RTKN2: variants seen among roughly 807,000 people sequenced by gnomAD.
The protein encoded by RTKN2 is rhotekin 2.
In RTKN2, 69 loss-of-function variants were observed where a neutral mutation model predicts 71.5. The observed-to-expected ratio is 0.96, with a 90% confidence interval of 0.79 to 1.18. The LOEUF (loss-of-function observed/expected upper bound fraction) is 1.18. Among genes scored for constraint, RTKN2 ranks in the 50% most tolerant of loss-of-function variants. The pLI is 0.00. For synonymous variants in RTKN2, 236 were observed against 236.5 expected (o/e 1.00, Z 0.02); for missense variants, 724 against 719.7 (o/e 1.01, Z -0.07).
In RTKN2 at chr10:62,199,957, T is replaced by TA. The variant is rs953591908; in HGVS notation, c.1187-97dup. ...GATAGCAATACATTTTTGCTTTGAA[T>TA]AAAAATCAGTGAATTTATACATAAA... is the stretch of plus-strand genomic sequence containing the variant. On this transcript the variant is annotated intron_variant, in intron 10 of 11. Coordinates refer to ENST00000373789, the MANE Select transcript of RTKN2 (RefSeq NM_145307.4). The TA allele has an allele frequency of 4.8e-5, 36 of 755,578 alleles. No individual in the cohort carries two copies. In the Middle Eastern group the frequency reaches 8.2e-4, roughly 17 times the overall value. The allele number at this position is 755,578 out of a possible 1,614,324, so 46.8% of individuals were successfully genotyped here.
intron 6 of RTKN2, among the ~76,000 whole-genome samples, chr10:62,224,503 CT>C (rs1841977709): frequency 6.6e-6 from 1 of 151,862 alleles, no homozygotes; most frequent in Non-Finnish European, 1.5e-5. Flanking sequence ...TTACTGAACA[CT>C]TAAAATGTGC....
At position 62,197,176 on chromosome 10, in the gene RTKN2, A is replaced by G. The variant is rs1424319436; in HGVS notation, c.*732T>C. The G allele has an allele frequency of 1.0e-5, 10 of 985,488 alleles. No homozygotes were observed. The highest frequency in any genetic ancestry group is 1.2e-5 in the Non-Finnish European group (10 of 829,842). The allele number at this position is 985,488 out of a possible 1,614,324, so 61.0% of individuals were successfully genotyped here. A position where few individuals can be genotyped will look rare whatever the true frequency, so the allele number is the denominator to read the frequency against. On this transcript the variant is annotated 3_prime_UTR_variant, in exon 12 of 12. Coordinates refer to ENST00000373789, the MANE Select transcript of RTKN2 (RefSeq NM_145307.4). ...CAAAGTCACAATGGAAATTAGCACC[A>G]CACACAGAAAATTGAATGTAAAGAG... is the stretch of plus-strand genomic sequence containing the variant.
rs994513424 is a variant in RTKN2, at chr10:62,196,704, G to T, written c.*1204C>A. ...ACATTTAGGGTTCAGTGTGATTTGA[G>T]ATTTTTAGTGCTGTTGCTGACACCT... On this transcript the variant is annotated 3_prime_UTR_variant, in exon 12 of 12. Coordinates refer to ENST00000373789, the MANE Select transcript of RTKN2 (RefSeq NM_145307.4). The T allele has an allele frequency of 1.0e-6, 1 of 984,986 alleles. No individual in the cohort carries two copies. Among genetic ancestry groups the T allele is most frequent in the Non-Finnish European group, 1.2e-6 (1 of 829,548 alleles). The allele number at this position is 984,986 out of a possible 1,614,324, so 61.0% of individuals were successfully genotyped here.
intron 6 of RTKN2, among the ~76,000 whole-genome samples, chr10:62,229,192 T>C (rs903970859): frequency 1.4e-4 from 22 of 152,166 alleles, no homozygotes; most frequent in Non-Finnish European, 5.9e-5. Context: ...TAGGAAAGGA[T>C]AAAACAGTAA....
At chr10:62,218,139 A>G in intron 8 of RTKN2, 56 bp downstream of exon 8, 1 of 1,078,240 alleles carries the variant, frequency 9.3e-7, no homozygotes, top group Admixed American at 2.0e-5. Flanking sequence ...AACTGCCTGT[A>G]TATTAAGATT....
In RTKN2 at chr10:62,195,565, AGGAAGGAG is replaced by A. The variant is rs971417559; in HGVS notation, c.*2335_*2342del. The stretch of plus-strand genomic sequence containing the variant: ...GAGAAAGAAACAAAGACAAAAAGGA[AGGAAGGAG>A]GGAAGGAGGGAAGGAGAGACGGACA... On this transcript the variant is annotated 3_prime_UTR_variant, in exon 12 of 12. Transcript: ENST00000373789. 4.3e-4 allele frequency: 284 copies of A among 668,022 alleles called. No individual in the cohort carries two copies. Among genetic ancestry groups the A allele is most frequent in the Admixed American group, 2.1e-3 (32 of 15,580 alleles). The allele number at this position is 668,022 out of a possible 1,614,324, so 41.4% of individuals were successfully genotyped here.
chr10:62,218,163 C>A (rs755155012), intron 8 of RTKN2, 32 bp downstream of exon 8: 1 of 1,334,076 alleles, frequency 7.5e-7, no homozygotes, highest in East Asian at 2.3e-5. Context: ...AGTAGAGCTA[C>A]AATTGTTGTA....
intron 10 of RTKN2, among the ~76,000 whole-genome samples, chr10:62,201,620 G>C (rs1841444265): frequency 6.6e-6 from 1 of 151,956 alleles, no homozygotes; most frequent in African/African-American, 2.4e-5. Flanking sequence ...ACTTCAAACT[G>C]GCACACTTTT....
intron 6 of RTKN2, among the ~76,000 whole-genome samples, chr10:62,233,616 A>G (rs1035828608): frequency 6.6e-6 from 1 of 152,132 alleles, no homozygotes; most frequent in Admixed American, 6.6e-5. Context: ...ATGCCTGATA[A>G]TTATATTGTA....
intron 8 of RTKN2, among the ~76,000 whole-genome samples, chr10:62,187,479 T>C (rs907321095): frequency 6.6e-6 from 1 of 152,126 alleles, no homozygotes; most frequent in Admixed American, 6.5e-5. Context: ...TCCTTTTGTG[T>C]ACTGAAGAGA....
At position 62,255,971 on chromosome 10, in the gene RTKN2, C is replaced by T. The variant is rs140706822; in HGVS notation, c.257+6654G>A. On this transcript the variant is annotated intron_variant, in intron 2 of 11. Transcript: ENST00000373789. Reference sequence around the variant, plus strand: ...ATGATACTTCAGGGAAACAACCAGGCAAATGCAGAATGCAGGATACTTTAA... The same window carrying T: ...ATGATACTTCAGGGAAACAACCAGGTAAATGCAGAATGCAGGATACTTTAA... Among the ~76,000 whole-genome samples the T allele has an allele frequency of 2.0e-5, 3 of 151,306 alleles. No homozygotes were observed. The East Asian group carries it at 5.8e-4, about 29-fold the overall frequency.
intron 6 of RTKN2, 29 bp downstream of exon 6, chr10:62,236,037 T>C (rs755150248): frequency 2.9e-6 from 4 of 1,393,706 alleles, no homozygotes; most frequent in Admixed American, 3.5e-5. Flanking sequence ...TATAATTATG[T>C]CACCATAAAT....
At chr10:62,209,654 C>T (rs1226024262) in intron 9 of RTKN2, among the ~76,000 whole-genome samples, 8 of 152,032 alleles carry the variant, frequency 5.3e-5, no homozygotes, top group South Asian at 4.1e-4. Flanking sequence ...TGTGTTGTTA[C>T]CCTCTATATG....
chr10:62,204,287 T>C (rs1426057611), intron 10 of RTKN2, among the ~76,000 whole-genome samples: 2 of 152,230 alleles, frequency 1.3e-5, no homozygotes, highest in Non-Finnish European at 2.9e-5. Flanking sequence ...TAGAACCTCA[T>C]ATATTTTATA....
In RTKN2 at chr10:62,193,399, AT is replaced by A; in HGVS notation, c.*4508del. 1 of 981,382 alleles carries A rather than the reference AT, an allele frequency of 1.0e-6. No individual in the cohort carries two copies. Among genetic ancestry groups the A allele is most frequent in the Non-Finnish European group, 1.2e-6 (1 of 826,288 alleles). The allele number at this position is 981,382 out of a possible 1,614,324, so 60.8% of individuals were successfully genotyped here. A position where few individuals can be genotyped will look rare whatever the true frequency, so the allele number is the denominator to read the frequency against. On this transcript the variant is annotated 3_prime_UTR_variant, in exon 12 of 12. Transcript: ENST00000373789. ...AATTATTAAACGTGTCAGCATTAGT[AT>A]TTTCTCCCATACTCAGATAAAGAAA... is the stretch of plus-strand genomic sequence containing the variant.
intron 6 of RTKN2, among the ~76,000 whole-genome samples, chr10:62,233,903 C>T (rs910290173): frequency 4.6e-5 from 7 of 152,074 alleles, no homozygotes; most frequent in Non-Finnish European, 1.0e-4. Context: ...AGAGCCAACT[C>T]GACGAAACAT....
intron 6 of RTKN2, among the ~76,000 whole-genome samples, chr10:62,224,475 CG>C (rs1340889641): frequency 6.6e-6 from 1 of 151,908 alleles, no homozygotes; most frequent in African/African-American, 2.4e-5. Flanking sequence ...GAAGGGTCCC[CG>C]TTCATTTAAT....
intron 2 of RTKN2, among the ~76,000 whole-genome samples, chr10:62,249,292 C>T (rs1294114698): frequency 6.7e-6 from 1 of 149,720 alleles, no homozygotes; most frequent in Admixed American, 6.7e-5. Context: ...CTATAAATGA[C>T]ACTGATTAGT....
downstream of RTKN2, among the ~76,000 whole-genome samples, chr10:62,192,824 G>A (rs1841244661): frequency 2.6e-5 from 4 of 152,144 alleles, no homozygotes; most frequent in Admixed American, 2.6e-4. Flanking sequence ...GGTTGTAATG[G>A]TTTCTGTAAA....
Sources: allele counts gnomAD v4.1 joint callset (sites outside exome capture counted in the v4.1 genomes callset), GRCh38; gene constraint gnomAD v4.1.1; transcripts MANE v1.5; gene names NCBI Gene and HGNC (gene_info 2026-07-23, HGNC 2026-07-21).